Variants in GALNTL6 observed in about 807,000 individuals in gnomAD.
The protein encoded by GALNTL6 is polypeptide N-acetylgalactosaminyltransferase-like 6.
Under a neutral mutation model 73.7 loss-of-function variants are expected in GALNTL6, and 46 were observed. The observed-to-expected ratio is 0.62, with a 90% CI of 0.49 to 0.80. GALNTL6 has a LOEUF of 0.80. Ranked by LOEUF, GALNTL6 falls within the 30% of genes least tolerant of loss-of-function variation. The pLI, the probability that GALNTL6 is intolerant of heterozygous loss-of-function variation, is 0.00. For synonymous variants in GALNTL6, 259 were observed against 263.7 expected (o/e 0.98, Z 0.17); for missense variants, 604 against 755.0 (o/e 0.80, Z 2.34).
chr4:172,576,263 CTG>C (rs949891354), intron 5 of GALNTL6, among the ~76,000 whole-genome samples: 4 of 151,882 alleles, frequency 2.6e-5, no homozygotes, highest in African/African-American at 9.7e-5. Context: ...CCGGGGGAGA[CTG>C]TGCTGGGTAT....
intron 2 of GALNTL6, among the ~76,000 whole-genome samples, chr4:171,843,257 TA>T (rs1735287876): frequency 6.6e-6 from 1 of 152,068 alleles, no homozygotes; most frequent in African/African-American, 2.4e-5. Context: ...TTTATGTCCC[TA>T]AAGTAAAATA....
chr4:172,898,535 T>G (rs1053204783), intron 8 of GALNTL6, among the ~76,000 whole-genome samples: 20 of 152,110 alleles, frequency 1.3e-4, no homozygotes, highest in African/African-American at 4.6e-4. Flanking sequence ...TGTAGGTGGA[T>G]TCTTGCAACA....
Position 171,814,641 on chromosome 4 carries a change from T to C in GALNTL6, c.61T>C (p.Phe21Leu). Residue 21 changes from phenylalanine (F) to leucine (L), a missense_variant, in exon 2 of 13, where the codon TTC (phenylalanine) becomes CTC (leucine). Transcript: ENST00000506823. ...TTTGTTGTTCACGGTGGCTTTAATT[T>C]TCCTGCCTAACGTTGGTCTCTGGTC... is the stretch of plus-strand genomic sequence containing the variant. ...MTLLFTVALI[F>L]LPNVGLWSLY... 1 of 1,614,182 alleles carries C rather than the reference T, an allele frequency of 6.2e-7. No individual in the cohort carries two copies. Among genetic ancestry groups the C allele is most frequent in the Non-Finnish European group, 8.5e-7 (1 of 1,180,016 alleles).
At chr4:172,564,773 C>T (rs946020711) in intron 5 of GALNTL6, among the ~76,000 whole-genome samples, 1 of 152,102 alleles carries the variant, frequency 6.6e-6, no homozygotes, top group African/African-American at 2.4e-5. Flanking sequence ...GAGGAGAATC[C>T]AGAGAGACAG....
At chr4:171,830,334 G>A (rs1414022367) in intron 2 of GALNTL6, among the ~76,000 whole-genome samples, 1 of 152,128 alleles carries the variant, frequency 6.6e-6, no homozygotes, top group Non-Finnish European at 1.5e-5. Flanking sequence ...AGCAATCCCA[G>A]GAAGCTCATA....
chr4:172,599,238 C>A (rs980690944), intron 5 of GALNTL6, among the ~76,000 whole-genome samples: 12 of 152,044 alleles, frequency 7.9e-5, no homozygotes, highest in African/African-American at 2.9e-4. Context: ...TGTTATCAGA[C>A]CAAGTATGTC....
intron 5 of GALNTL6, among the ~76,000 whole-genome samples, chr4:172,678,158 C>G (rs1417643071): frequency 6.6e-6 from 1 of 152,124 alleles, no homozygotes; most frequent in African/African-American, 2.4e-5. Context: ...TCAACTGAGG[C>G]CTACAGGGCG....
At chr4:172,706,728 C>T (rs933316238) in intron 5 of GALNTL6, among the ~76,000 whole-genome samples, 7 of 152,016 alleles carry the variant, frequency 4.6e-5, no homozygotes, top group African/African-American at 1.2e-4. Context: ...TCTCAGACTG[C>T]GGGGATCCCA....
At chr4:171,906,000 A>G (rs1439728702) in intron 2 of GALNTL6, among the ~76,000 whole-genome samples, 1 of 151,980 alleles carries the variant, frequency 6.6e-6, no homozygotes, top group African/African-American at 2.4e-5. Flanking sequence ...AGCAGTGTGT[A>G]GAGGGAAATT....
chr4:172,123,420 A>C, intron 2 of GALNTL6, among the ~76,000 whole-genome samples: 1 of 150,474 alleles, frequency 6.6e-6, no homozygotes, highest in South Asian at 2.1e-4. Flanking sequence ...ATTAACTACG[A>C]TAGCTTAAAA....
intron 11 of GALNTL6, among the ~76,000 whole-genome samples, chr4:173,010,379 C>T (rs1752492471): frequency 1.3e-5 from 2 of 152,124 alleles, no homozygotes; most frequent in African/African-American, 4.8e-5. Flanking sequence ...CTCCATTATG[C>T]ATAGGTACCA....
intron 5 of GALNTL6, among the ~76,000 whole-genome samples, chr4:172,485,131 A>G (rs1733622621): frequency 6.6e-6 from 1 of 152,146 alleles, no homozygotes; most frequent in African/African-American, 2.4e-5. Flanking sequence ...AGAAACAAGT[A>G]TCTTAATTTG....
chr4:171,853,198 C>T (rs887222622), intron 2 of GALNTL6, among the ~76,000 whole-genome samples: 4 of 151,896 alleles, frequency 2.6e-5, no homozygotes, highest in Non-Finnish European at 5.9e-5. Context: ...TTCTCTGTCT[C>T]TCTGTCATAC....
At chr4:172,935,590 T>C (rs991728539) in intron 9 of GALNTL6, among the ~76,000 whole-genome samples, 2 of 151,988 alleles carry the variant, frequency 1.3e-5, no homozygotes, top group Admixed American at 6.6e-5. Context: ...AAAAAAATGA[T>C]AAAGGGGATA....
chr4:172,618,402 C>T (rs1242620381), intron 5 of GALNTL6, among the ~76,000 whole-genome samples: 3 of 152,174 alleles, frequency 2.0e-5, no homozygotes, highest in African/African-American at 4.8e-5. Flanking sequence ...TCCGTAAAAA[C>T]ATCATTATAC....
intron 4 of GALNTL6, among the ~76,000 whole-genome samples, chr4:172,327,190 A>G (rs1472883100): frequency 6.6e-6 from 1 of 152,088 alleles, no homozygotes; most frequent in African/African-American, 2.4e-5. Flanking sequence ...GTTAATGGCC[A>G]TGTAATTGCA....
intron 7 of GALNTL6, among the ~76,000 whole-genome samples, chr4:172,819,137 T>C (rs1039839732): frequency 6.6e-6 from 1 of 152,198 alleles, no homozygotes; most frequent in Admixed American, 6.5e-5. Flanking sequence ...GTGTGAGGCA[T>C]AGCCCATGCT....
In GALNTL6 at chr4:171,823,592, T is replaced by C. The variant is rs201599545; in HGVS notation, c.138+8874T>C. 8.7e-4 allele frequency among the ~76,000 whole-genome samples: 16 copies of C among 18,448 alleles called. No individual in the cohort carries two copies. The East Asian group carries it at 0.017, about 20-fold the overall frequency. The allele number at this position is 18,448 out of a possible 152,430, so 12.1% of individuals were successfully genotyped here. On this transcript the variant is annotated intron_variant, in intron 2 of 12. Coordinates refer to ENST00000506823, the MANE Select transcript of GALNTL6 (RefSeq NM_001034845.3). ...ATGTATATATATATACACACACACA[T>C]ATATATATATATTATAGATGTCTTA...
At chr4:172,121,055 C>T (rs1019473267) in intron 2 of GALNTL6, among the ~76,000 whole-genome samples, 1 of 151,508 alleles carries the variant, frequency 6.6e-6, no homozygotes, top group African/African-American at 2.4e-5. Flanking sequence ...ATTTGAGAAT[C>T]GGCATTGCAA....
Sources: gnomAD v4.1 joint callset for allele counts (sites outside exome capture counted in the v4.1 genomes callset) on GRCh38, gnomAD v4.1.1 for gene constraint, MANE v1.5 for transcripts, NCBI Gene and HGNC (gene_info 2026-07-23, HGNC 2026-07-21) for gene names.